The following CDH13 variants were observed in gnomAD, a reference collection of about 807,000 sequenced individuals.
The protein encoded by CDH13 is cadherin-13.
Under a neutral mutation model 63.8 loss-of-function variants are expected in CDH13, and 24 were observed. That is an observed-to-expected ratio of 0.38 (90% CI 0.27 to 0.53). CDH13 has a LOEUF of 0.53. Ranked by LOEUF, CDH13 falls within the 20% of genes least tolerant of loss-of-function variation. The pLI is 0.85. For synonymous variants in CDH13, 503 were observed against 355.3 expected (o/e 1.42, Z -4.67); for missense variants, 1,049 against 903.1 (o/e 1.16, Z -2.07).
At chr16:82,725,832 G>A (rs2033065290) in intron 1 of CDH13, among the ~76,000 whole-genome samples, 1 of 152,140 alleles carries the variant, frequency 6.6e-6, no homozygotes, top group Non-Finnish European at 1.5e-5. Flanking sequence ...AGGCAAGAGT[G>A]ATTTTTAACT....
At chr16:83,556,024 C>G (rs2075594441) in intron 7 of CDH13, among the ~76,000 whole-genome samples, 1 of 152,126 alleles carries the variant, frequency 6.6e-6, no homozygotes, top group African/African-American at 2.4e-5. Flanking sequence ...ACTCCCTTTC[C>G]CAGTGACTCA....
intron 2 of CDH13, among the ~76,000 whole-genome samples, chr16:83,019,602 C>A (rs932910374): frequency 1.3e-5 from 2 of 150,242 alleles, no homozygotes; most frequent in African/African-American, 4.9e-5. Context: ...TTCAAGTGAT[C>A]CTCCTGCCCA....
At position 82,760,736 on chromosome 16, in the gene CDH13, C is replaced by T. The variant is rs558940580; in HGVS notation, c.46-97626C>T. On this transcript the variant is annotated intron_variant, in intron 1 of 13. Transcript: ENST00000567109. Reference sequence around the variant, plus strand: ...ACGGTTCTGCAGGCTGTACAAGAAGCATGGTGCCAGCATCTGTTTCTGGTG... The same window carrying T: ...ACGGTTCTGCAGGCTGTACAAGAAGTATGGTGCCAGCATCTGTTTCTGGTG... Among the ~76,000 whole-genome samples, 6 of 152,248 alleles carry T rather than the reference C, an allele frequency of 3.9e-5. No homozygotes were observed. In the South Asian group the frequency reaches 6.2e-4, roughly 16 times the overall value.
At chr16:83,478,480 C>A (rs1274556271) in intron 6 of CDH13, among the ~76,000 whole-genome samples, 2 of 152,252 alleles carry the variant, frequency 1.3e-5, no homozygotes, top group East Asian at 3.9e-4. Flanking sequence ...CATCAAAACT[C>A]ACATTATCAA....
chr16:83,248,999 C>G (rs915679106), intron 5 of CDH13, among the ~76,000 whole-genome samples: 7 of 152,188 alleles, frequency 4.6e-5, no homozygotes, highest in Non-Finnish European at 1.0e-4. Flanking sequence ...CATAACCTTT[C>G]ACTCTGTTTC....
intron 5 of CDH13, among the ~76,000 whole-genome samples, chr16:83,275,673 G>C (rs938164266): frequency 6.6e-6 from 1 of 152,132 alleles, no homozygotes; most frequent in Admixed American, 6.5e-5. Context: ...GAAGATAAGG[G>C]GGGGCCTGCT....
At chr16:82,944,746 G>A (rs575872369) in intron 2 of CDH13, among the ~76,000 whole-genome samples, 1 of 152,208 alleles carries the variant, frequency 6.6e-6, no homozygotes, top group Admixed American at 6.5e-5. Flanking sequence ...AGGCCCTTGT[G>A]AATTTATTTG....
intron 3 of CDH13, among the ~76,000 whole-genome samples, chr16:83,079,770 T>C (rs1210290984): frequency 3.9e-5 from 6 of 152,232 alleles, no homozygotes; most frequent in Non-Finnish European, 7.3e-5. Flanking sequence ...CAAGTTGTTT[T>C]TGAGAACATG....
rs1218902938 is a variant in CDH13, at chr16:83,124,618, TC to T, written c.367-766del. ...ATCTGGAAGAGTTTTTCCTAGGGTTTCTTCTAGAATTTTTATAGTTGCAGGT... is the reference window on the plus strand; with the variant it reads ...ATCTGGAAGAGTTTTTCCTAGGGTTTTTCTAGAATTTTTATAGTTGCAGGT... On this transcript the variant is annotated intron_variant, in intron 3 of 13. Coordinates refer to ENST00000567109, the MANE Select transcript of CDH13 (RefSeq NM_001257.5). 2.0e-5 allele frequency among the ~76,000 whole-genome samples: 3 copies of T among 152,200 alleles called. No individual in the cohort carries two copies. The East Asian group carries it at 5.8e-4, about 29-fold the overall frequency.
At chr16:83,610,237 TAA>T (rs879659534) in intron 8 of CDH13, among the ~76,000 whole-genome samples, 1 of 144,538 alleles carries the variant, frequency 6.9e-6, no homozygotes, top group African/African-American at 2.5e-5. Flanking sequence ...ACAGCTAGAA[TAA>T]AAAAAAAAAG....
chr16:83,339,836 T>G (rs1228663997), intron 5 of CDH13, among the ~76,000 whole-genome samples: 1 of 152,236 alleles, frequency 6.6e-6, no homozygotes, highest in Non-Finnish European at 1.5e-5. Context: ...TCTCTCAAAG[T>G]GCTGGTTTAA....
chr16:82,988,318 G>GT (rs552246561), intron 2 of CDH13, among the ~76,000 whole-genome samples: 104 of 152,260 alleles, frequency 6.8e-4, no homozygotes, highest in African/African-American at 2.1e-3. Context: ...TTGAGGGAAT[G>GT]TTTTTTGTTT....
intron 7 of CDH13, among the ~76,000 whole-genome samples, chr16:83,561,509 A>G (rs989446598): frequency 2.6e-5 from 4 of 151,764 alleles, no homozygotes; most frequent in African/African-American, 7.3e-5. Context: ...AGGGGTCTAC[A>G]TTTAAGTCAA....
intron 3 of CDH13, among the ~76,000 whole-genome samples, chr16:83,051,104 C>A (rs1402779714): frequency 6.6e-6 from 1 of 152,154 alleles, no homozygotes; most frequent in East Asian, 1.9e-4. Context: ...CTGTTACTAT[C>A]TAATTGACTT....
intron 3 of CDH13, among the ~76,000 whole-genome samples, chr16:83,045,561 CA>C (rs1955167643): frequency 2.0e-5 from 3 of 146,690 alleles, no homozygotes; most frequent in Non-Finnish European, 4.4e-5. Flanking sequence ...CGCTCGAACT[CA>C]GGAGGCAGAG....
chr16:82,721,371 TG>T (rs1209694868), intron 1 of CDH13, among the ~76,000 whole-genome samples: 1 of 151,984 alleles, frequency 6.6e-6, no homozygotes, highest in Non-Finnish European at 1.5e-5. Context: ...AGAAACCAGT[TG>T]GGAAAGTTAT....
At chr16:82,811,213 T>G (rs1284821729) in intron 1 of CDH13, among the ~76,000 whole-genome samples, 1 of 152,188 alleles carries the variant, frequency 6.6e-6, no homozygotes, top group Non-Finnish European at 1.5e-5. Flanking sequence ...TACTCAGTGA[T>G]GCCAAATTGG....
intron 1 of CDH13, among the ~76,000 whole-genome samples, chr16:82,798,182 G>A (rs995480058): frequency 3.9e-5 from 6 of 152,192 alleles, no homozygotes; most frequent in South Asian, 2.1e-4. Flanking sequence ...TTGAAACACC[G>A]TCTCATTTAA....
At chr16:82,778,902 T>C (rs1359675696) in intron 1 of CDH13, among the ~76,000 whole-genome samples, 1 of 152,194 alleles carries the variant, frequency 6.6e-6, no homozygotes, top group African/African-American at 2.4e-5. Flanking sequence ...GTTTCATTTG[T>C]GATAATTTTA....
Sources: allele counts gnomAD v4.1 joint callset (sites outside exome capture counted in the v4.1 genomes callset), GRCh38; gene constraint gnomAD v4.1.1; transcripts MANE v1.5; gene names NCBI Gene and HGNC (gene_info 2026-07-23, HGNC 2026-07-21).